The following CNST variants were observed in gnomAD, a reference collection of about 807,000 sequenced individuals.
The protein encoded by CNST is consortin.
A neutral mutation model predicts 72.4 loss-of-function variants in CNST; 39 were observed. The observed-to-expected ratio is 0.54, with a 90% CI of 0.42 to 0.70. The LOEUF (loss-of-function observed/expected upper bound fraction) is 0.70. Ranked by LOEUF, CNST falls within the 30% of genes least tolerant of loss-of-function variation. The probability of loss-of-function intolerance (pLI) is 0.00; values close to 1 mark genes in which losing one functional copy is unlikely to be tolerated. For synonymous variants in CNST, 332 were observed against 320.1 expected (o/e 1.04, Z -0.40); for missense variants, 871 against 868.5 (o/e 1.00, Z -0.04).
At chr1:246,664,640 A>C (rs369474340) in intron 10 of CNST, among the ~76,000 whole-genome samples, 1,623 of 151,736 alleles carry the variant, frequency 0.011, 17 homozygotes, top group Non-Finnish European at 0.016. Flanking sequence ...GTCAGCCAGG[A>C]TGGTCTCGAT....
chr1:246,662,526 T>C (rs1667152778), intron 10 of CNST, among the ~76,000 whole-genome samples: 1 of 152,254 alleles, frequency 6.6e-6, no homozygotes, highest in South Asian at 2.1e-4. Context: ...GTAGCTGGGA[T>C]TACAGGCATG....
At chr1:246,627,769 A>AG (rs1664531602) in intron 3 of CNST, among the ~76,000 whole-genome samples, 1 of 152,196 alleles carries the variant, frequency 6.6e-6, no homozygotes, top group Non-Finnish European at 1.5e-5. Flanking sequence ...GAAAGCATCT[A>AG]GGCTAAAGTG....
Position 246,664,475 on chromosome 1 carries a change from G to A in CNST, c.1973-1225G>A, listed in dbSNP as rs548128989. On this transcript the variant is annotated intron_variant, in intron 10 of 10. Coordinates refer to ENST00000366513, the MANE Select transcript of CNST (RefSeq NM_152609.3). ...GGAGTCTCGCCCTGTGGCCCAGGCT[G>A]GAGTGCAGTGGTGTGATCTCAGCTC... Among the ~76,000 whole-genome samples the A allele has an allele frequency of 1.7e-4, 25 of 151,274 alleles. No individual in the cohort carries two copies. The East Asian group carries it at 4.3e-3, about 26-fold the overall frequency.
intron 2 of CNST, among the ~76,000 whole-genome samples, chr1:246,604,658 A>AT (rs1662569352): frequency 6.6e-6 from 1 of 151,406 alleles, no homozygotes. Context: ...ATATATATAT[A>AT]TAATACTTAT....
At chr1:246,659,565 A>T (rs1666970978) in intron 9 of CNST, among the ~76,000 whole-genome samples, 1 of 151,884 alleles carries the variant, frequency 6.6e-6, no homozygotes, top group African/African-American at 2.4e-5. Context: ...ACTGCACTCC[A>T]GCCTGGGCGA....
chr1:246,599,976 C>T (rs563603255), intron 2 of CNST, among the ~76,000 whole-genome samples: 75 of 152,232 alleles, frequency 4.9e-4, no homozygotes, highest in South Asian at 2.9e-3. Context: ...TCTAGCAAGA[C>T]GGGAGTCATA....
rs1665730056 is a variant in CNST, at chr1:246,642,022, A to G, written c.922A>G (p.Thr308Ala). Residue 308 changes from threonine to alanine, a missense_variant, in exon 8 of 11, where the codon ACC becomes GCC. Physicochemically the swap from Thr to Ala is moderately conservative, Grantham distance 58. Coordinates refer to ENST00000366513, the MANE Select transcript of CNST (RefSeq NM_152609.3). ...TGAAGATCCAAAGGAAGGAGGAGCT[A>G]CCACCAAAGAGTCAGGTATGTTTTT... ...VSEDPKEGGA[T>A]TKESESKTCL... The G allele has an allele frequency of 1.9e-6, 3 of 1,606,868 alleles. No homozygotes were observed. Among genetic ancestry groups the G allele is most frequent in the Non-Finnish European group, 2.6e-6 (3 of 1,175,024 alleles).
intron 10 of CNST, among the ~76,000 whole-genome samples, chr1:246,661,470 T>C (rs1667101200): frequency 6.6e-6 from 1 of 152,220 alleles, no homozygotes; most frequent in Non-Finnish European, 1.5e-5. Flanking sequence ...GGAAAATATT[T>C]ATGAATATTC....
intron 2 of CNST, among the ~76,000 whole-genome samples, chr1:246,612,606 G>T (rs569120739): frequency 2.0e-5 from 3 of 152,104 alleles, no homozygotes; most frequent in East Asian, 1.9e-4. Context: ...ATCATAACAG[G>T]TCAGGCGCAG....
At position 246,647,788 on chromosome 1, in the gene CNST, C is replaced by T; in HGVS notation, c.1587C>T (p.Ala529=). 1 of 1,613,922 alleles carries T rather than the reference C, an allele frequency of 6.2e-7. No individual in the cohort carries two copies. Among genetic ancestry groups the T allele is most frequent in the Non-Finnish European group, 8.5e-7 (1 of 1,179,974 alleles). ...LGILLPEVCM[A]PEEKGDKDDQ... ...TACTGCTTCCAGAGGTGTGTATGGC[C>T]CCAGAGGAAAAGGGAGATAAAGACG... is the stretch of plus-strand genomic sequence containing the variant. Residue 529 remains alanine (A), a synonymous_variant, in exon 9 of 11, where the codon GCC becomes GCT. Coordinates refer to ENST00000366513, the MANE Select transcript of CNST (RefSeq NM_152609.3).
intron 9 of CNST, among the ~76,000 whole-genome samples, chr1:246,650,296 C>T (rs1026807715): frequency 2.6e-5 from 4 of 152,058 alleles, no homozygotes; most frequent in African/African-American, 9.7e-5. Context: ...TAATGGTCTC[C>T]TTTCCTAAGA....
At chr1:246,586,305 C>T (rs1661194570) in intron 1 of CNST, among the ~76,000 whole-genome samples, 2 of 146,772 alleles carry the variant, frequency 1.4e-5, no homozygotes, top group South Asian at 4.2e-4. Context: ...GATACATATA[C>T]AAGCTCTATC....
chr1:246,589,210 AC>A (rs1277163712), intron 1 of CNST, among the ~76,000 whole-genome samples: 3 of 151,468 alleles, frequency 2.0e-5, no homozygotes, highest in African/African-American at 7.3e-5. Context: ...GGTGTGCTGC[AC>A]CCATTAACTC....
chr1:246,651,172 G>C (rs761183267), intron 9 of CNST, among the ~76,000 whole-genome samples: 3 of 151,986 alleles, frequency 2.0e-5, no homozygotes, highest in Admixed American at 6.6e-5. Flanking sequence ...GTGATTAGAG[G>C]ATATAGAACA....
chr1:246,591,877 CA>C lies in CNST; in HGVS notation c.322del (p.Ile108PhefsTer29). ...RDEQAFLGKDKKIPGKRSPRS... is the reference protein window; with the variant it reads ...RDEQAFLGKDXKIPGKRSPRS... ...ATGAACAGGCCTTCTTGGGAAAGGA[CA>C]AAAAAATTCCTGGAAAAAGAAGTCC... On this transcript the variant is annotated frameshift_variant, in exon 2 of 11. Transcript: ENST00000366513. LOFTEE classifies it high-confidence loss of function. The C allele has an allele frequency of 6.2e-7, 1 of 1,612,810 alleles. No homozygotes were observed. The highest frequency in any genetic ancestry group is 8.5e-7 in the Non-Finnish European group (1 of 1,179,560).
At chr1:246,634,188 T>C (rs1312465059) in intron 5 of CNST, 178 bp downstream of exon 5, 4 of 566,746 alleles carry the variant, frequency 7.1e-6, no homozygotes, top group Non-Finnish European at 1.2e-5. Context: ...GAGAAGACTT[T>C]TTTCTTTGTA....
intron 1 of CNST, among the ~76,000 whole-genome samples, chr1:246,567,093 G>A (rs1173598110): frequency 6.7e-6 from 1 of 149,136 alleles, no homozygotes; most frequent in Admixed American, 6.7e-5. Context: ...ACCGCGTGGT[G>A]TCTCCCTTCC....
chr1:246,639,916 G>A (rs1364579919), intron 6 of CNST, among the ~76,000 whole-genome samples: 5 of 152,174 alleles, frequency 3.3e-5, no homozygotes, highest in Non-Finnish European at 7.4e-5. Context: ...ACTGCTATGT[G>A]GTACCCGGAT....
chr1:246,632,219 T>C, intron 4 of CNST: 1 of 280,570 alleles, frequency 3.6e-6, no homozygotes, highest in East Asian at 7.5e-5. Flanking sequence ...ATTTTAATTA[T>C]TTTTATGTAC....
Sources: allele counts gnomAD v4.1 joint callset (sites outside exome capture counted in the v4.1 genomes callset), GRCh38; gene constraint gnomAD v4.1.1; transcripts MANE v1.5; gene names NCBI Gene and HGNC (gene_info 2026-07-23, HGNC 2026-07-21).